Variants in PDCD1LG2 observed in about 807,000 individuals in gnomAD.
The protein encoded by PDCD1LG2 is B7 dendritic cell molecule.
A neutral mutation model predicts 28.2 loss-of-function variants in PDCD1LG2; 32 were observed. The ratio of observed to expected loss-of-function variants is 1.13; its 90% CI spans 0.86 to 1.52. PDCD1LG2 has a LOEUF of 1.52. PDCD1LG2 is among the 40% of genes most tolerant of loss of function. The pLI, the probability that PDCD1LG2 is intolerant of heterozygous loss-of-function variation, is 0.00. For synonymous variants in PDCD1LG2, 116 were observed against 120.2 expected, an observed-to-expected ratio of 0.97 and a Z score of 0.23; for missense variants, 385 against 323.8, an observed-to-expected ratio of 1.19 and a Z score of -1.45.
At chr9:5,517,760 G>T (rs1246849547) in intron 1 of PDCD1LG2, among the ~76,000 whole-genome samples, 1 of 152,080 alleles carries the variant, frequency 6.6e-6, no homozygotes, top group Non-Finnish European at 1.5e-5. Flanking sequence ...GTCAGATTCT[G>T]GATATATTTG....
At chr9:5,538,527 A>G (rs1485856470) in intron 3 of PDCD1LG2, among the ~76,000 whole-genome samples, 1 of 152,024 alleles carries the variant, frequency 6.6e-6, no homozygotes, top group Non-Finnish European at 1.5e-5. Context: ...CTACTAAAAA[A>G]TACAACAAAA....
At chr9:5,517,434 G>A (rs147312986) in intron 1 of PDCD1LG2, among the ~76,000 whole-genome samples, 1 of 152,212 alleles carries the variant, frequency 6.6e-6, no homozygotes, top group Non-Finnish European at 1.5e-5. Flanking sequence ...ACATCTCTCA[G>A]CCCTGCGAAC....
At chr9:5,513,047 A>G (rs1820090952) in intron 1 of PDCD1LG2, among the ~76,000 whole-genome samples, 1 of 152,062 alleles carries the variant, frequency 6.6e-6, no homozygotes, top group Non-Finnish European at 1.5e-5. Flanking sequence ...CTGTCTACCA[A>G]TTCCACCCAC....
Position 5,563,190 on chromosome 9 carries a change from A to C in PDCD1LG2, c.795A>C (p.Thr265=), listed in dbSNP as rs1386414645. 5 of 1,612,786 alleles carry C rather than the reference A, an allele frequency of 3.1e-6. No individual in the cohort carries two copies. The highest frequency in any genetic ancestry group is 1.7e-4 in the Middle Eastern group (1 of 6,056). Residue 265 remains threonine, a synonymous_variant, in exon 6 of 7, where the codon ACA becomes ACC. Transcript: ENST00000397747. ...CAACAAAAAGACCTGTCACCACAAC[A>C]AAGAGGGAAGTGAACAGTGCTGTGA... The part of the protein sequence containing the change: ...KDTTKRPVTT[T]KREVNSAI
chr9:5,517,255 C>T (rs961732870), intron 1 of PDCD1LG2, among the ~76,000 whole-genome samples: 7 of 152,124 alleles, frequency 4.6e-5, no homozygotes, highest in African/African-American at 1.2e-4. Flanking sequence ...TGAAAGTGTC[C>T]GGGTAGAGGG....
intron 2 of PDCD1LG2, among the ~76,000 whole-genome samples, chr9:5,524,164 G>C (rs998495427): frequency 6.6e-6 from 1 of 152,180 alleles, no homozygotes; most frequent in Admixed American, 6.5e-5. Flanking sequence ...GAGGGAACTA[G>C]AACTCAGAAA....
intron 3 of PDCD1LG2, among the ~76,000 whole-genome samples, chr9:5,540,951 G>A (rs1246266511): frequency 6.6e-6 from 1 of 152,130 alleles, no homozygotes; most frequent in Non-Finnish European, 1.5e-5. Context: ...GAACATAGAT[G>A]TAAAAATCCT....
At chr9:5,539,686 GCTGGGGTTGAGAA>G (rs1048720508) in intron 3 of PDCD1LG2, among the ~76,000 whole-genome samples, 1 of 152,144 alleles carries the variant, frequency 6.6e-6, no homozygotes, top group African/African-American at 2.4e-5. Context: ...TCTCAGAGGA[GCTGGGGTTGAGAA>G]CTGGTCTGTG....
chr9:5,519,750 G>A (rs141564553), intron 1 of PDCD1LG2, among the ~76,000 whole-genome samples: 3 of 152,134 alleles, frequency 2.0e-5, no homozygotes, highest in African/African-American at 4.8e-5. Context: ...TACAACAAAC[G>A]TAACTCTTTT....
At chr9:5,523,155 C>T (rs897587885) in intron 2 of PDCD1LG2, among the ~76,000 whole-genome samples, 1 of 152,186 alleles carries the variant, frequency 6.6e-6, no homozygotes, top group African/African-American at 2.4e-5. Flanking sequence ...AACCTTAAGG[C>T]TATCCCTTTG....
At chr9:5,537,766 T>C (rs556671289) in intron 3 of PDCD1LG2, among the ~76,000 whole-genome samples, 7 of 152,232 alleles carry the variant, frequency 4.6e-5, no homozygotes, top group South Asian at 2.1e-4. Context: ...CATTAGGAGA[T>C]ATACCTAATG....
At chr9:5,545,934 C>G (rs564599026) in intron 3 of PDCD1LG2, among the ~76,000 whole-genome samples, 1 of 152,082 alleles carries the variant, frequency 6.6e-6, no homozygotes. Flanking sequence ...GGAGTACTTC[C>G]GCCTCTTAAA....
At chr9:5,538,425 A>C (rs1179662665) in intron 3 of PDCD1LG2, among the ~76,000 whole-genome samples, 2 of 151,102 alleles carry the variant, frequency 1.3e-5, no homozygotes, top group Admixed American at 1.3e-4. Context: ...GTGGCTCACG[A>C]CCGTAATCCC....
At chr9:5,557,519 G>C (rs1020258703) in intron 4 of PDCD1LG2, 99 bp from the exon 5 acceptor site, 2 of 1,394,680 alleles carry the variant, frequency 1.4e-6, no homozygotes, top group African/African-American at 1.4e-5. Context: ...ATGCTCCACA[G>C]AGCTAGCCGT....
At chr9:5,538,371 CTA>C (rs1022620339) in intron 3 of PDCD1LG2, among the ~76,000 whole-genome samples, 1 of 151,150 alleles carries the variant, frequency 6.6e-6, no homozygotes. Context: ...CTATATTGTA[CTA>C]TATATATATA....
intron 6 of PDCD1LG2, among the ~76,000 whole-genome samples, chr9:5,568,683 C>A (rs946594024): frequency 1.3e-5 from 2 of 152,186 alleles, no homozygotes; most frequent in Non-Finnish European, 2.9e-5. Flanking sequence ...AAATACCCAA[C>A]CCATGTCAGG....
chr9:5,524,549 C>T (rs1820335614), intron 2 of PDCD1LG2, among the ~76,000 whole-genome samples: 1 of 152,182 alleles, frequency 6.6e-6, no homozygotes, highest in Non-Finnish European at 1.5e-5. Flanking sequence ...AATTAGAATG[C>T]CTTCTCCTCA....
At chr9:5,554,272 A>C (rs1019958661) in intron 4 of PDCD1LG2, among the ~76,000 whole-genome samples, 4 of 152,204 alleles carry the variant, frequency 2.6e-5, no homozygotes, top group African/African-American at 9.6e-5. Context: ...ATCTTAGATA[A>C]TCGCAGTCCC....
chr9:5,539,431 G>C (rs1393809366), intron 3 of PDCD1LG2, among the ~76,000 whole-genome samples: 2 of 152,156 alleles, frequency 1.3e-5, no homozygotes, highest in Admixed American at 6.5e-5. Context: ...CTTGAAAATG[G>C]GTTTGTTTAT....
Sources: gnomAD v4.1 joint callset for allele counts (sites outside exome capture counted in the v4.1 genomes callset) on GRCh38, gnomAD v4.1.1 for gene constraint, MANE v1.5 for transcripts, NCBI Gene and HGNC (gene_info 2026-07-23, HGNC 2026-07-21) for gene names.